The following SH3GLB1 variants were observed in gnomAD, a reference collection of about 807,000 sequenced individuals.
SH3GLB1 encodes the protein SH3 domain containing GRB2 like, endophilin B1.
A neutral mutation model predicts 42.0 loss-of-function variants in SH3GLB1; 17 were observed. The ratio of observed to expected loss-of-function variants is 0.40; its 90% CI spans 0.28 to 0.61. The LOEUF (loss-of-function observed/expected upper bound fraction) is 0.61, where lower values mean the gene tolerates loss of function less well. Ranked by LOEUF, SH3GLB1 falls within the 20% of genes least tolerant of loss-of-function variation. The pLI, the probability that SH3GLB1 is intolerant of heterozygous loss-of-function variation, is 0.36. For missense variants in SH3GLB1, 355 were observed against 426.3 expected (o/e 0.83, Z 1.47); for synonymous variants, 132 against 146.6 (o/e 0.90, Z 0.72).
rs1287203761 is a variant in SH3GLB1, at chr1:86,724,898, T to A, written c.570+493T>A. 5.2e-3 allele frequency among the ~76,000 whole-genome samples: 631 copies of A among 122,308 alleles called. 7 individuals are homozygous for A. The highest frequency in any genetic ancestry group is 9.3e-3 in the Non-Finnish European group (557 of 59,890). The allele number at this position is 122,308 out of a possible 152,430, so 80.2% of individuals were successfully genotyped here. A position where few individuals can be genotyped will look rare whatever the true frequency, so the allele number is the denominator to read the frequency against. ...TTAAAAAAAAAAAAAAAAAAATATA[T>A]ATATATATATATATAAAATATATAA... On this transcript the variant is annotated intron_variant, in intron 5 of 8. Coordinates refer to ENST00000370558, the MANE Select transcript of SH3GLB1 (RefSeq NM_016009.5).
intron 7 of SH3GLB1, 29 bp from the exon 8 acceptor site, chr1:86,742,175 GAAAT>G (rs761823932): frequency 1.9e-6 from 3 of 1,568,888 alleles, no homozygotes; most frequent in East Asian, 4.5e-5. Flanking sequence ...TAGTCACTTG[GAAAT>G]AAATAATTCG....
At chr1:86,708,858 T>G (rs1428006095) in intron 1 of SH3GLB1, among the ~76,000 whole-genome samples, 1 of 152,210 alleles carries the variant, frequency 6.6e-6, no homozygotes, top group Non-Finnish European at 1.5e-5. Flanking sequence ...AAATTATTTT[T>G]TAATTTCCAA....
rs1570397273 is a variant in SH3GLB1, at chr1:86,704,751, G to A, written c.-149G>A. ...CCCGCCTTCATCCTCCCCGTTCACG[G>A]AAACGACAGCTGCGGCTGCGGGGCT... On this transcript the variant is annotated 5_prime_UTR_variant, in exon 1 of 9. Transcript: ENST00000370558. The A allele has an allele frequency of 6.8e-5, 34 of 497,512 alleles. 1 individual carries two copies. The East Asian group carries it at 1.3e-3, about 19-fold the overall frequency. The allele number at this position is 497,512 out of a possible 1,614,324, so 30.8% of individuals were successfully genotyped here.
chr1:86,712,777 C>A (rs990071453), intron 1 of SH3GLB1, among the ~76,000 whole-genome samples: 3 of 150,012 alleles, frequency 2.0e-5, no homozygotes, highest in African/African-American at 5.0e-5. Context: ...AAAAAAAAAA[C>A]CTACTAATTG....
In SH3GLB1 at chr1:86,746,132, T is replaced by A. The variant is rs1452041015; in HGVS notation, c.*2897T>A. 6.6e-6 allele frequency: 1 copy of A among 152,580 alleles called. No homozygotes were observed. The highest frequency in any genetic ancestry group is 1.5e-5 in the Non-Finnish European group (1 of 68,020). The allele number at this position is 152,580 out of a possible 1,614,324, so 9.5% of individuals were successfully genotyped here. The stretch of plus-strand genomic sequence containing the variant: ...TGGGAAATAAATCCTGAGGCCAGGA[T>A]CACCAGTGGGGTAGAGTCATCTTCA... On this transcript the variant is annotated 3_prime_UTR_variant, in exon 9 of 9. Transcript: ENST00000370558.
intron 4 of SH3GLB1, among the ~76,000 whole-genome samples, chr1:86,723,336 AC>A: frequency 6.6e-6 from 1 of 152,006 alleles, no homozygotes; most frequent in East Asian, 1.9e-4. Flanking sequence ...ACATGGTGAA[AC>A]CCCGTCTCTA....
chr1:86,706,901 C>G (rs1161930898), intron 1 of SH3GLB1, among the ~76,000 whole-genome samples: 1 of 152,166 alleles, frequency 6.6e-6, no homozygotes, highest in South Asian at 2.1e-4. Context: ...TTCCTTGTTT[C>G]AAATTCTTTA....
chr1:86,717,409 T>G (rs1558303194), intron 2 of SH3GLB1, among the ~76,000 whole-genome samples: 2 of 151,892 alleles, frequency 1.3e-5, no homozygotes, highest in South Asian at 2.1e-4. Context: ...TGCTGTGGTT[T>G]TTTTGTTTTG....
At chr1:86,730,055 T>TTA (rs1655421140) in intron 5 of SH3GLB1, 1 of 1,568,022 alleles carries the variant, frequency 6.4e-7, no homozygotes, top group Admixed American at 1.8e-5. Flanking sequence ...CTTTCATGCT[T>TTA]TATATTTTTC....
At chr1:86,717,501 C>A (rs71662182) in intron 2 of SH3GLB1, among the ~76,000 whole-genome samples, 1 of 151,930 alleles carries the variant, frequency 6.6e-6, no homozygotes, top group South Asian at 2.1e-4. Context: ...TTCACTGCAA[C>A]CTCCACCTCC....
chr1:86,709,399 G>T (rs1442494434), intron 1 of SH3GLB1, among the ~76,000 whole-genome samples: 1 of 152,160 alleles, frequency 6.6e-6, no homozygotes, highest in African/African-American at 2.4e-5. Flanking sequence ...GGACCTTGAA[G>T]TTAACTAATA....
chr1:86,725,377 A>T (rs932494250), intron 5 of SH3GLB1, among the ~76,000 whole-genome samples: 2 of 152,136 alleles, frequency 1.3e-5, no homozygotes, highest in Non-Finnish European at 2.9e-5. Context: ...AAACCTCAGA[A>T]TATTGAGTAG....
At chr1:86,725,244 G>A (rs188747755) in intron 5 of SH3GLB1, among the ~76,000 whole-genome samples, 17 of 151,918 alleles carry the variant, frequency 1.1e-4, no homozygotes, top group Admixed American at 1.1e-3. Flanking sequence ...CTAACTAAAA[G>A]AATGTTCACC....
intron 2 of SH3GLB1, among the ~76,000 whole-genome samples, chr1:86,717,547 G>C (rs1164650985): frequency 6.6e-6 from 1 of 152,064 alleles, no homozygotes; most frequent in South Asian, 2.1e-4. Flanking sequence ...TGCCTGCTGA[G>C]AGTAGCTGGG....
chr1:86,735,807 A>G (rs1047288652), intron 7 of SH3GLB1, among the ~76,000 whole-genome samples: 7 of 152,324 alleles, frequency 4.6e-5, no homozygotes, highest in South Asian at 2.1e-4. Flanking sequence ...CTGAAAATAA[A>G]ATAATGTTTA....
chr1:86,739,351 A>T (rs1485400023), intron 7 of SH3GLB1, among the ~76,000 whole-genome samples: 2 of 152,208 alleles, frequency 1.3e-5, no homozygotes, highest in East Asian at 3.9e-4. Context: ...GTGAGGTAAA[A>T]TGGAAACTAA....
Position 86,730,538 on chromosome 1 carries a change from C to T in SH3GLB1, c.571-4064C>T, listed in dbSNP as rs530454512. Among the ~76,000 whole-genome samples the T allele has an allele frequency of 4.0e-5, 6 of 151,362 alleles. No individual in the cohort carries two copies. In the East Asian group the frequency reaches 7.8e-4, roughly 20 times the overall value. ...TTTTGAGATGGAGTTTTGCTCTTGT[C>T]GCCCAGGCTGGAGTGCAGTGGCACA... On this transcript the variant is annotated intron_variant, in intron 5 of 8. Coordinates refer to ENST00000370558, the MANE Select transcript of SH3GLB1 (RefSeq NM_016009.5).
intron 5 of SH3GLB1, among the ~76,000 whole-genome samples, chr1:86,728,829 T>C (rs1321259557): frequency 5.9e-5 from 9 of 152,166 alleles, no homozygotes; most frequent in Admixed American, 2.0e-4. Flanking sequence ...TAAAGAAAGG[T>C]GTAAGGTAAA....
intron 3 of SH3GLB1, among the ~76,000 whole-genome samples, chr1:86,722,174 T>C (rs1654902269): frequency 6.6e-6 from 1 of 151,718 alleles, no homozygotes; most frequent in Non-Finnish European, 1.5e-5. Context: ...CCTTTTTTTT[T>C]TTTTTCTGAA....
Sources: allele counts gnomAD v4.1 joint callset (sites outside exome capture counted in the v4.1 genomes callset), GRCh38; gene constraint gnomAD v4.1.1; transcripts MANE v1.5; gene names NCBI Gene and HGNC (gene_info 2026-07-23, HGNC 2026-07-21).